The following SCUBE3 variants were observed in gnomAD, a reference collection of about 807,000 sequenced individuals.
SCUBE3 encodes signal peptide, CUB and EGF-like domain-containing protein 3.
Under a neutral mutation model 116.8 loss-of-function variants are expected in SCUBE3, and 33 were observed. The observed-to-expected ratio is 0.28, with a 90% CI of 0.21 to 0.38. The LOEUF is 0.38. SCUBE3 is among the 10% of genes least tolerant of loss of function. The pLI is 1.00. For synonymous variants in SCUBE3, 418 were observed against 496.9 expected (o/e 0.84, Z 2.11); for missense variants, 1,007 against 1,324.8 (o/e 0.76, Z 3.72).
In SCUBE3 at chr6:35,232,758, C is replaced by T; in HGVS notation, c.470-92C>T. On this transcript the variant is annotated intron_variant, in intron 4 of 21. Coordinates refer to ENST00000274938, the MANE Select transcript of SCUBE3 (RefSeq NM_152753.4). The surrounding 1 kb of genome is among the most constrained non-coding windows in gnomAD (Gnocchi z 4.2). Reference sequence around the variant, plus strand: ...TGAATTCAACCTCAGTAGAATTCTCCCAGTTCCCTAGGTCCCCAGTTGCCC... The same window carrying T: ...TGAATTCAACCTCAGTAGAATTCTCTCAGTTCCCTAGGTCCCCAGTTGCCC... 1 of 1,309,094 alleles carries T rather than the reference C, an allele frequency of 7.6e-7. No homozygotes were observed. Among genetic ancestry groups the T allele is most frequent in the Non-Finnish European group, 1.1e-6 (1 of 920,348 alleles). 81.1% of individuals were successfully genotyped at this position (1,309,094 alleles called of 1,614,324 possible).
intron 1 of SCUBE3, chr6:35,224,412 G>C (rs563614556): frequency 1.3e-5 from 2 of 152,226 alleles, no homozygotes; most frequent in South Asian, 4.1e-4. Flanking sequence ...CAGATCACTT[G>C]AGGTCAGGAG....
chr6:35,242,437 A>T (rs1303485472), intron 13 of SCUBE3, 117 bp downstream of exon 13: 2 of 943,112 alleles, frequency 2.1e-6, no homozygotes, highest in Non-Finnish European at 3.4e-6. Context: ...GAGCAGAGGA[A>T]AAAGCAGCTG....
At chr6:35,215,194 T>G (rs970002329) in intron 1 of SCUBE3, among the ~76,000 whole-genome samples, 1 of 152,196 alleles carries the variant, frequency 6.6e-6, no homozygotes, top group Non-Finnish European at 1.5e-5. Flanking sequence ...GGGTTTCCAA[T>G]TCCATTTAAA....
rs1267689760 is a variant in SCUBE3 at position 35,241,709 on chromosome 6, A to G, written c.1312+50A>G. The G allele has an allele frequency of 2.0e-6, 3 of 1,526,494 alleles. No individual in the cohort carries two copies. The highest frequency in any genetic ancestry group is 2.7e-6 in the Non-Finnish European group (3 of 1,100,092). The allele number at this position is 1,526,494 out of a possible 1,614,324, so 94.6% of individuals were successfully genotyped here. A position where few individuals can be genotyped will look rare whatever the true frequency, so the allele number is the denominator to read the frequency against. On this transcript the variant is annotated intron_variant, in intron 11 of 21. Coordinates refer to ENST00000274938, the MANE Select transcript of SCUBE3 (RefSeq NM_152753.4). The surrounding 1 kb of genome is among the most constrained non-coding windows in gnomAD (Gnocchi z 4.1). ...AGCTTTGGAGGAGAAAAGAGGAAGG[A>G]CTGGCCGTTCAGGCAGCTCCTTCAT...
intron 6 of SCUBE3, among the ~76,000 whole-genome samples, chr6:35,234,203 G>GCTGT (rs902083643): frequency 2.6e-5 from 4 of 152,206 alleles, no homozygotes; most frequent in African/African-American, 9.7e-5. Context: ...TGAGAGAGAG[G>GCTGT]CTGTGTCTTT....
Position 35,243,158 on chromosome 6 carries a change from C to G in SCUBE3, c.1831C>G (p.Pro611Ala). ...CCTTGATTATGAGCTGGCCCACAAG[C>G]CGGGCCTGGTAGCCGGGGAGCGAGC... ...AGLDYELAHK[P>A]GLVAGERAEP... The change falls in exon 15 of 22, where the codon CCG becomes GCG. Residue 611 changes from proline (P) to alanine (A), a missense_variant. This residue lies in a region of SCUBE3 where 544 missense variants were observed against 638.9 expected (regional missense o/e 0.85). Coordinates refer to ENST00000274938, the MANE Select transcript of SCUBE3 (RefSeq NM_152753.4). The surrounding 1 kb of genome is among the most constrained non-coding windows in gnomAD (Gnocchi z 6.6). 1 of 1,614,214 alleles carries G rather than the reference C, an allele frequency of 6.2e-7. No homozygotes were observed. Among genetic ancestry groups the G allele is most frequent in the African/African-American group, 1.3e-5 (1 of 75,070 alleles).
Position 35,241,544 on chromosome 6 carries a change from G to A in SCUBE3, c.1197G>A (p.Glu399=). 1 of 1,609,992 alleles carries A rather than the reference G, an allele frequency of 6.2e-7. No individual in the cohort carries two copies. The highest frequency in any genetic ancestry group is 8.5e-7 in the Non-Finnish European group (1 of 1,176,224). ...RLHWNGKDCT[E]PLKCQGSPGA... ...CTCAGGCCTCTCTCCCCTTCCTAGA[G>A]CCACTGAAGTGTCAGGGCAGTCCTG... The change falls in exon 11 of 22, where the codon GAG becomes GAA. Residue 399 remains glutamate (E), a splice_region_variant and synonymous_variant. Coordinates refer to ENST00000274938, the MANE Select transcript of SCUBE3 (RefSeq NM_152753.4). This position sits in a 1 kb window ranked among gnomAD's most constrained non-coding sequence, Gnocchi z 4.1.
chr6:35,225,702 A>G lies in SCUBE3; in HGVS notation c.86-1878A>G, dbSNP rs563661940. The stretch of plus-strand genomic sequence containing the variant: ...TTCAGTTCTCTTCTTAGCCCCAGGA[A>G]GTTTCAGAGTATAAAAGCGGAGGAC... On this transcript the variant is annotated intron_variant, in intron 1 of 21. Transcript: ENST00000274938. 2.0e-5 allele frequency among the ~76,000 whole-genome samples: 3 copies of G among 152,304 alleles called. No individual in the cohort carries two copies. In the East Asian group the frequency reaches 5.8e-4, roughly 29 times the overall value.
Position 35,242,663 on chromosome 6 carries a change from C to T in SCUBE3, c.1576C>T (p.Leu526Phe). 6.2e-7 allele frequency: 1 copy of T among 1,614,124 alleles called. No individual in the cohort carries two copies. Among genetic ancestry groups the T allele is most frequent in the Non-Finnish European group, 8.5e-7 (1 of 1,179,948 alleles). ...CSECQVTFIH[L>F]KCDSSRKGKG... ...TGAATGCCAGGTCACCTTCATCCAC[C>T]TTAAGTGTGACTCCTCTCGGAAGGG... is the stretch of plus-strand genomic sequence containing the variant. The change falls in exon 14 of 22, where the codon CTT becomes TTT. Residue 526 changes from leucine (L) to phenylalanine (F), a missense_variant. Around this residue, in one of 5 missense-constraint regions of SCUBE3, gnomAD observed 544 missense variants for 638.9 expected, o/e 0.85. Coordinates refer to ENST00000274938, the MANE Select transcript of SCUBE3 (RefSeq NM_152753.4).
Position 35,237,399 on chromosome 6 carries a change from C to T in SCUBE3, c.713-503C>T, listed in dbSNP as rs191653380. On this transcript the variant is annotated intron_variant, in intron 6 of 21. Transcript: ENST00000274938. ...AGGGGAAGATAAATTGATGGGTATC[C>T]TTCAGTTGCCTTAGGAATGGCCCGG... Among the ~76,000 whole-genome samples the T allele has an allele frequency of 7.0e-4, 106 of 152,278 alleles. 1 individual carries two copies. In the Middle Eastern group the frequency reaches 0.01, roughly 15 times the overall value.
chr6:35,233,355 C>T lies in SCUBE3; in HGVS notation c.712+54C>T. 1 of 1,074,624 alleles carries T rather than the reference C, an allele frequency of 9.3e-7. No homozygotes were observed. The highest frequency in any genetic ancestry group is 1.4e-6 in the Non-Finnish European group (1 of 693,460). The allele number at this position is 1,074,624 out of a possible 1,614,324, so 66.6% of individuals were successfully genotyped here. ...CACCTGAGATGGGGTGGGGGTGGGACCCTTTGGGAACCAGGGAAGTGGAGG... is the reference window on the plus strand; with the variant it reads ...CACCTGAGATGGGGTGGGGGTGGGATCCTTTGGGAACCAGGGAAGTGGAGG... On this transcript the variant is annotated intron_variant, in intron 6 of 21. Transcript: ENST00000274938. The surrounding 1 kb of genome is among the most constrained non-coding windows in gnomAD (Gnocchi z 5.7).
Position 35,245,088 on chromosome 6 carries a change from C to T in SCUBE3, c.2402-140C>T. 3.7e-6 allele frequency: 3 copies of T among 813,172 alleles called. No individual in the cohort carries two copies. Among genetic ancestry groups the T allele is most frequent in the Non-Finnish European group, 6.1e-6 (3 of 489,166 alleles). The allele number at this position is 813,172 out of a possible 1,614,324, so 50.4% of individuals were successfully genotyped here. On this transcript the variant is annotated intron_variant, in intron 18 of 21. Transcript: ENST00000274938. The surrounding 1 kb of genome is among the most constrained non-coding windows in gnomAD (Gnocchi z 4.2). ...GGCAGGAAGGAAGATGGACTCAGAG[C>T]TTGGAAAATAATGATGAACTAGAAC...
chr6:35,252,005 C>T lies in SCUBE3; in HGVS notation c.*3300C>T, dbSNP rs1457933574. ...CTGCAGCGTGTAGGGTGTGGGGCGA[C>T]AGTATTGTGGGGCTTCCATTCATCT... On this transcript the variant is annotated 3_prime_UTR_variant, in exon 22 of 22. Coordinates refer to ENST00000274938, the MANE Select transcript of SCUBE3 (RefSeq NM_152753.4). The T allele has an allele frequency of 6.6e-6, 1 of 152,112 alleles. No homozygotes were observed. The highest frequency in any genetic ancestry group is 1.5e-5 in the Non-Finnish European group (1 of 68,014). 9.4% of individuals were successfully genotyped at this position (152,112 alleles called of 1,614,324 possible). A position where few individuals can be genotyped will look rare whatever the true frequency, so the allele number is the denominator to read the frequency against.
At chr6:35,253,074 TCCTCAGC>T in exon 22 of SCUBE3, 1 of 152,138 alleles carries the variant, frequency 6.6e-6, no homozygotes, top group East Asian at 1.9e-4. Context: ...TAAATGAAAC[TCCTCAGC>T]CCGGCATCTT....
chr6:35,240,490 GGTAAGCTA>G lies in SCUBE3; in HGVS notation c.1069+8_1069+15del, dbSNP rs1403905849. 1 of 1,543,172 alleles carries G rather than the reference GGTAAGCTA, an allele frequency of 6.5e-7. No individual in the cohort carries two copies. Among genetic ancestry groups the G allele is most frequent in the African/African-American group, 1.4e-5 (1 of 73,008 alleles). ...GTTGTATGGTATCACCCACTGTGGG[GGTAAGCTA>G]GTAAGCTTGCACCCCCAGCCACCCT... On this transcript the variant is annotated splice_donor_variant and splice_donor_5th_base_variant and intron_variant, in intron 9 of 21. Transcript: ENST00000274938. LOFTEE classifies it high-confidence loss of function. The surrounding 1 kb of genome is among the most constrained non-coding windows in gnomAD (Gnocchi z 4.6).
intron 1 of SCUBE3, chr6:35,223,561 T>C (rs910110095): frequency 6.6e-6 from 1 of 152,262 alleles, no homozygotes; most frequent in African/African-American, 2.4e-5. Flanking sequence ...CTGATTCAGC[T>C]GGTCTAGGGG....
At chr6:35,220,908 C>T in intron 1 of SCUBE3, 1 of 152,258 alleles carries the variant, frequency 6.6e-6, no homozygotes, top group East Asian at 1.9e-4. Context: ...CCCAGACTCT[C>T]ACTGAAGTCA....
rs949188287 is a variant in SCUBE3 at position 35,239,487 on chromosome 6, A to G, written c.830-265A>G. On this transcript the variant is annotated intron_variant, in intron 7 of 21. Transcript: ENST00000274938. The surrounding 1 kb of genome is among the most constrained non-coding windows in gnomAD (Gnocchi z 4.1). ...GGGCCTGTTCCTAGTTTTGGTTCCA[A>G]TTTGTCCCCTTATAAGAACACTCAA... 6.6e-6 allele frequency among the ~76,000 whole-genome samples: 1 copy of G among 152,084 alleles called. No homozygotes were observed. Among genetic ancestry groups the G allele is most frequent in the South Asian group, 2.1e-4 (1 of 4,822 alleles).
rs1784245616 is a variant in SCUBE3, at chr6:35,244,538, T to G, written c.2240-112T>G. 1.2e-6 allele frequency: 1 copy of G among 863,220 alleles called. No homozygotes were observed. Among genetic ancestry groups the G allele is most frequent in the East Asian group, 2.4e-5 (1 of 41,126 alleles). 53.5% of individuals were successfully genotyped at this position (863,220 alleles called of 1,614,324 possible). On this transcript the variant is annotated intron_variant, in intron 17 of 21. Coordinates refer to ENST00000274938, the MANE Select transcript of SCUBE3 (RefSeq NM_152753.4). This position sits in a 1 kb window ranked among gnomAD's most constrained non-coding sequence, Gnocchi z 4.3. ...AAGATTGAGACCCTAGAAAAGAACTTTGATGTATCTGATCTCCTGATTCTC... is the reference window on the plus strand; with the variant it reads ...AAGATTGAGACCCTAGAAAAGAACTGTGATGTATCTGATCTCCTGATTCTC...
Sources: allele counts gnomAD v4.1 joint callset (sites outside exome capture counted in the v4.1 genomes callset), GRCh38; gene constraint gnomAD v4.1.1; regional missense constraint gnomAD v4.1.1; non-coding constraint Gnocchi (gnomAD v3.1); transcripts MANE v1.5; gene names NCBI Gene and HGNC (gene_info 2026-07-23, HGNC 2026-07-21).